The following SLC24A3 variants were observed in gnomAD, a reference collection of about 807,000 sequenced individuals.
SLC24A3 encodes sodium/potassium/calcium exchanger 3.
Under a neutral mutation model 75.8 loss-of-function variants are expected in SLC24A3, and 28 were observed. That is an observed-to-expected ratio of 0.37 (90% CI 0.27 to 0.51). The LOEUF is 0.51. Ranked by LOEUF, SLC24A3 falls within the 20% of genes least tolerant of loss-of-function variation. The probability of loss-of-function intolerance (pLI) is 0.94; values close to 1 mark genes in which losing one functional copy is unlikely to be tolerated. For synonymous variants in SLC24A3, 372 were observed against 334.1 expected, an observed-to-expected ratio of 1.11 and a Z score of -1.24; for missense variants, 663 against 847.8, an observed-to-expected ratio of 0.78 and a Z score of 2.71.
At chr20:19,374,485 A>G (rs937015067) in intron 2 of SLC24A3, among the ~76,000 whole-genome samples, 1 of 152,186 alleles carries the variant, frequency 6.6e-6, no homozygotes, top group Non-Finnish European at 1.5e-5. Flanking sequence ...AGACATGGGG[A>G]GACTAAGCCT....
rs77817047 is a variant in SLC24A3, at chr20:19,701,525, C to T, written c.1719+2845C>T. On this transcript the variant is annotated intron_variant, in intron 15 of 16. Transcript: ENST00000328041. The stretch of plus-strand genomic sequence containing the variant: ...CATATCATGGTCTGAACAAAAGCTT[C>T]GCAGTTAACACAACCTAACTTCCTT... Among the ~76,000 whole-genome samples the T allele has an allele frequency of 8.1e-4, 124 of 152,230 alleles. 1 individual carries two copies. In the East Asian group the frequency reaches 0.02, roughly 25 times the overall value.
At position 19,717,611 on chromosome 20, in the gene SLC24A3, T is replaced by G; in HGVS notation, c.1785+18T>G. The stretch of plus-strand genomic sequence containing the variant: ...TTGTCACGGTAGGTTGGCAGCTCTC[T>G]CCTCGTACTTGTGTTTGCCTGTTCT... On this transcript the variant is annotated intron_variant, in intron 16 of 16. Transcript: ENST00000328041. The G allele has an allele frequency of 6.2e-7, 1 of 1,614,028 alleles. No individual in the cohort carries two copies.
At chr20:19,464,745 A>G (rs999474871) in intron 2 of SLC24A3, among the ~76,000 whole-genome samples, 1 of 152,238 alleles carries the variant, frequency 6.6e-6, no homozygotes, top group African/African-American at 2.4e-5. Flanking sequence ...GGTCAAGAGA[A>G]AAAAAGGAGT....
intron 1 of SLC24A3, among the ~76,000 whole-genome samples, chr20:19,238,062 T>C (rs1340798397): frequency 6.6e-6 from 1 of 152,244 alleles, no homozygotes; most frequent in African/African-American, 2.4e-5. Flanking sequence ...AAAGGGTATC[T>C]ATCATAAGTG....
intron 1 of SLC24A3, among the ~76,000 whole-genome samples, chr20:19,239,919 C>T (rs1218510040): frequency 1.3e-5 from 2 of 152,128 alleles, no homozygotes; most frequent in East Asian, 1.9e-4. Flanking sequence ...TGTATGGGAC[C>T]CCATGGTCTG....
intron 2 of SLC24A3, among the ~76,000 whole-genome samples, chr20:19,438,324 T>G (rs1447525710): frequency 6.6e-6 from 1 of 152,200 alleles, no homozygotes; most frequent in Middle Eastern, 3.2e-3. Context: ...AGGACTGATT[T>G]GTACAGCCGT....
At chr20:19,699,353 T>G (rs1351273398) in intron 15 of SLC24A3, among the ~76,000 whole-genome samples, 5 of 152,138 alleles carry the variant, frequency 3.3e-5, no homozygotes, top group Non-Finnish European at 7.3e-5. Flanking sequence ...TCCAAATAAC[T>G]CTTCTAAGTT....
chr20:19,696,630 G>A (rs1050243998), intron 13 of SLC24A3, 167 bp from the exon 14 acceptor site: 18 of 498,940 alleles, frequency 3.6e-5, no homozygotes, highest in African/African-American at 1.3e-4. Context: ...AGCCCCGGTC[G>A]GCATCCACAT....
chr20:19,584,570 C>G (rs533757728), intron 4 of SLC24A3, among the ~76,000 whole-genome samples: 5 of 152,306 alleles, frequency 3.3e-5, no homozygotes, highest in African/African-American at 1.2e-4. Flanking sequence ...TGAATGCCCC[C>G]ACCATAGCCT....
intron 2 of SLC24A3, among the ~76,000 whole-genome samples, chr20:19,325,432 G>A (rs958187806): frequency 2.6e-5 from 4 of 151,828 alleles, no homozygotes; most frequent in South Asian, 2.1e-4. Flanking sequence ...GGTGACGACC[G>A]TGAGACCCTG....
At chr20:19,468,900 G>A (rs1987815245) in intron 2 of SLC24A3, among the ~76,000 whole-genome samples, 1 of 152,172 alleles carries the variant, frequency 6.6e-6, no homozygotes, top group South Asian at 2.1e-4. Flanking sequence ...GGCAGCCAGT[G>A]CAGTAAAAGT....
intron 1 of SLC24A3, among the ~76,000 whole-genome samples, chr20:19,247,746 G>T (rs1240226912): frequency 1.3e-5 from 2 of 152,128 alleles, no homozygotes; most frequent in Non-Finnish European, 2.9e-5. Flanking sequence ...GATATATTGG[G>T]TTAATTAAAA....
At chr20:19,316,733 C>G (rs1984596843) in intron 2 of SLC24A3, among the ~76,000 whole-genome samples, 1 of 152,312 alleles carries the variant, frequency 6.6e-6, no homozygotes, top group South Asian at 2.1e-4. Flanking sequence ...AGAATGATCT[C>G]AAGGTCTTTG....
intron 2 of SLC24A3, among the ~76,000 whole-genome samples, chr20:19,416,141 C>T (rs1021813431): frequency 4.6e-5 from 7 of 152,318 alleles, no homozygotes; most frequent in Admixed American, 2.6e-4. Flanking sequence ...GTGCTTCACA[C>T]ATATCGACTC....
intron 2 of SLC24A3, among the ~76,000 whole-genome samples, chr20:19,403,701 G>A (rs1325687581): frequency 6.6e-6 from 1 of 152,200 alleles, no homozygotes; most frequent in Non-Finnish European, 1.5e-5. Context: ...TGTAGCAGCA[G>A]GTAGGTGGGA....
chr20:19,640,663 T>G (rs1358793789), intron 6 of SLC24A3, among the ~76,000 whole-genome samples: 5 of 152,132 alleles, frequency 3.3e-5, no homozygotes, highest in Non-Finnish European at 7.4e-5. Flanking sequence ...GGCAGGAGAA[T>G]CACTTCAACC....
intron 3 of SLC24A3, among the ~76,000 whole-genome samples, chr20:19,549,744 A>C (rs1428903380): frequency 6.6e-6 from 1 of 152,198 alleles, no homozygotes; most frequent in African/African-American, 2.4e-5. Flanking sequence ...AGATCATGCC[A>C]TTGCACTCCA....
intron 2 of SLC24A3, among the ~76,000 whole-genome samples, chr20:19,451,642 C>T (rs1021313652): frequency 2.0e-5 from 3 of 152,202 alleles, no homozygotes; most frequent in African/African-American, 7.2e-5. Context: ...ATGTTGGCTG[C>T]AAAGGCAGGT....
chr20:19,290,597 C>T (rs1414939841), intron 2 of SLC24A3, among the ~76,000 whole-genome samples: 1 of 152,192 alleles, frequency 6.6e-6, no homozygotes, highest in Non-Finnish European at 1.5e-5. Context: ...TGATCTTGGA[C>T]TTCCCAGCCT....
Sources: allele counts gnomAD v4.1 joint callset (sites outside exome capture counted in the v4.1 genomes callset), GRCh38; gene constraint gnomAD v4.1.1; transcripts MANE v1.5; gene names NCBI Gene and HGNC (gene_info 2026-07-23, HGNC 2026-07-21).